LINGO3: variants seen among roughly 807,000 people sequenced by gnomAD.
The protein encoded by LINGO3 is leucine rich repeat and Ig domain containing 3, also known as leucine-rich repeat and immunoglobulin-like domain-containing nogo receptor-interacting protein 3.
For synonymous variants in LINGO3, 427 were observed against 444.2 expected, an observed-to-expected ratio of 0.96 and a Z score of 0.49; for missense variants, 750 against 867.7, an observed-to-expected ratio of 0.86 and a Z score of 1.70.
chr19:2,300,468 C>A, the LINGO3 span, among the ~76,000 whole-genome samples: 1 of 151,966 alleles, frequency 6.6e-6, no homozygotes, highest in African/African-American at 2.4e-5. Context: ...GAAGCTGCCA[C>A]CCACCTGGGG....
chr19:2,297,059 T>A, the LINGO3 span, among the ~76,000 whole-genome samples: 9 of 150,670 alleles, frequency 6.0e-5, no homozygotes, highest in African/African-American at 2.2e-4. Flanking sequence ...GCCACTGCAC[T>A]CCAACCTGGG....
rs185864642 is a variant in LINGO3 at position 2,289,985 on chromosome 19, C to T, written c.*13G>A. 2,472 of 1,508,906 alleles carry T rather than the reference C, an allele frequency of 1.6e-3. 31 individuals are homozygous for T. The African/African-American group carries it at 0.026, about 16-fold the overall frequency. 93.5% of individuals were successfully genotyped at this position (1,508,906 alleles called of 1,614,324 possible). ...GCGGGGGAGGGGAGGGGAGGGTCCGCCCTGGGGACCCCTCAGATCATCTTC... is the reference window on the plus strand; with the variant it reads ...GCGGGGGAGGGGAGGGGAGGGTCCGTCCTGGGGACCCCTCAGATCATCTTC... On this transcript the variant is annotated 3_prime_UTR_variant, in exon 1 of 1. Coordinates refer to ENST00000585527, the Ensembl canonical transcript of LINGO3.
chr19:2,291,232 T>TC lies in LINGO3; in HGVS notation c.544dup (p.Glu182GlyfsTer49), dbSNP rs914875961. 1.2e-6 allele frequency: 2 copies of TC among 1,611,408 alleles called. No homozygotes were observed. Among genetic ancestry groups the TC allele is most frequent in the African/African-American group, 2.7e-5 (2 of 74,882 alleles). On this transcript the variant is annotated frameshift_variant, in exon 1 of 1. Transcript: ENST00000585527. LOFTEE classifies it low-confidence loss of function (END_TRUNC). ...GGACAGAGCCGTGAGGTTGCAGCGC[T>TC]CCAGGGTCAGCTCCTCCAGGGCCAG...
chr19:2,297,343 C>G, the LINGO3 span, among the ~76,000 whole-genome samples: 1 of 130,768 alleles, frequency 7.6e-6, no homozygotes, highest in Non-Finnish European at 1.6e-5. Context: ...CTCGCTCTGT[C>G]GCCCAGGCTG....
chr19:2,287,225 G>A (rs1056972103), downstream of LINGO3, among the ~76,000 whole-genome samples: 2 of 152,050 alleles, frequency 1.3e-5, no homozygotes, highest in Non-Finnish European at 2.9e-5. The surrounding 1 kb of genome is among the most constrained non-coding windows in gnomAD (Gnocchi z 4.5). Flanking sequence ...GATGAGGGGT[G>A]GGGGTGCTGA....
chr19:2,304,998 C>G, the LINGO3 span, among the ~76,000 whole-genome samples: 1 of 152,110 alleles, frequency 6.6e-6, no homozygotes, highest in Non-Finnish European at 1.5e-5. Context: ...CGTGAGCCAC[C>G]ACACCCAGCC....
At chr19:2,296,344 GT>G (rs1209590774), upstream of LINGO3, among the ~76,000 whole-genome samples, 6 of 152,322 alleles carry the variant, frequency 3.9e-5, no homozygotes, top group Non-Finnish European at 7.4e-5. Context: ...GCCGGGCGCG[GT>G]GGTTCACGCC....
chr19:2,291,314 G>A (rs772846964), exon 1 of LINGO3: 1 of 1,612,860 alleles, frequency 6.2e-7, no homozygotes, highest in East Asian at 2.2e-5. Context: ...CCCACTTCCA[G>A]CCGGCGCAGG....
At chr19:2,297,566 G>C in the LINGO3 span, among the ~76,000 whole-genome samples, 1 of 149,472 alleles carries the variant, frequency 6.7e-6, no homozygotes, top group African/African-American at 2.5e-5. Flanking sequence ...GCTTCCCAAA[G>C]TGCTGGGATT....
chr19:2,292,038 A>C, upstream of LINGO3: 11 of 447,352 alleles, frequency 2.5e-5, no homozygotes, highest in East Asian at 6.3e-5. Context: ...AAAATAAAAG[A>C]TGAGCCGCAT....
chr19:2,292,189 T>TAA (rs111650972), upstream of LINGO3, among the ~76,000 whole-genome samples: 9,420 of 142,544 alleles, frequency 0.066, 964 homozygotes, highest in East Asian at 0.19. Flanking sequence ...CCCCTGTCTC[T>TAA]TAAAAAAAAA....
rs1206241337 is a variant in LINGO3, at chr19:2,290,483, C to T, written c.1294G>A (p.Glu432Lys). ...GCCACGGTGGGCGCCGGCTCGCCCT[C>T]GGCGCGGCAGAGGAAGCGGACGTCT... The change falls in exon 1 of 1, where the codon GAG becomes AAG. Residue 432 changes from glutamate (E) to lysine (K), a missense_variant. Transcript: ENST00000585527. The surrounding 1 kb of genome is among the most constrained non-coding windows in gnomAD (Gnocchi z 6.0). 2 of 1,474,242 alleles carry T rather than the reference C, an allele frequency of 1.4e-6. No individual in the cohort carries two copies. The highest frequency in any genetic ancestry group is 1.8e-6 in the Non-Finnish European group (2 of 1,118,478). 91.3% of individuals were successfully genotyped at this position (1,474,242 alleles called of 1,614,324 possible).
chr19:2,292,471 TTTTTG>T (rs1245758930), upstream of LINGO3, among the ~76,000 whole-genome samples: 3 of 151,694 alleles, frequency 2.0e-5, no homozygotes, highest in East Asian at 1.9e-4. Context: ...CTCCTGGGTT[TTTTTG>T]TTTTGTTTTG....
the LINGO3 span, among the ~76,000 whole-genome samples, chr19:2,306,439 G>C: frequency 1.3e-5 from 2 of 152,162 alleles, no homozygotes; most frequent in Non-Finnish European, 2.9e-5. Flanking sequence ...GTGACTCAGG[G>C]GGCGCCGGGG....
chr19:2,300,445 AC>A, the LINGO3 span, among the ~76,000 whole-genome samples: 2 of 150,972 alleles, frequency 1.3e-5, no homozygotes, highest in Non-Finnish European at 3.0e-5. Flanking sequence ...CCCTCGGACC[AC>A]CCCCCTCCCA....
At chr19:2,295,802 C>T (rs1381273340), upstream of LINGO3, among the ~76,000 whole-genome samples, 1 of 152,104 alleles carries the variant, frequency 6.6e-6, no homozygotes, top group African/African-American at 2.4e-5. Context: ...GGACAGGACA[C>T]ATATGTACAG....
chr19:2,293,502 G>A (rs969356571), upstream of LINGO3, among the ~76,000 whole-genome samples: 11 of 151,866 alleles, frequency 7.2e-5, no homozygotes, highest in African/African-American at 2.7e-4. Flanking sequence ...TGGGACTACA[G>A]GCACCCGCCA....
chr19:2,304,136 ACATT>A, the LINGO3 span, among the ~76,000 whole-genome samples: 1 of 152,328 alleles, frequency 6.6e-6, no homozygotes, highest in East Asian at 1.9e-4. Context: ...CATTCAACAA[ACATT>A]CATTCAACAA....
At chr19:2,305,224 G>C in the LINGO3 span, among the ~76,000 whole-genome samples, 2 of 152,000 alleles carry the variant, frequency 1.3e-5, no homozygotes, top group African/African-American at 4.8e-5. Flanking sequence ...CCTCTCCTTG[G>C]GGTCTGAGAT....
Sources: gnomAD v4.1 joint callset for allele counts (sites outside exome capture counted in the v4.1 genomes callset) on GRCh38, gnomAD v4.1.1 for gene constraint, Gnocchi (gnomAD v3.1) non-coding constraint, MANE v1.5 for transcripts, NCBI Gene and HGNC (gene_info 2026-07-23, HGNC 2026-07-21) for gene names.